PDZD2: variants seen among roughly 807,000 people sequenced by gnomAD.
The protein encoded by PDZD2 is PDZ domain containing 2.
Under a neutral mutation model 220.7 loss-of-function variants are expected in PDZD2, and 90 were observed. That is an observed-to-expected ratio of 0.41 (90% CI 0.34 to 0.49). PDZD2 has a LOEUF of 0.49. PDZD2 is among the 20% of genes least tolerant of loss of function. The probability of loss-of-function intolerance (pLI) is 0.28; values close to 1 mark genes in which losing one functional copy is unlikely to be tolerated. For synonymous variants in PDZD2, 1,375 were observed against 1,450.5 expected (o/e 0.95, Z 1.18); for missense variants, 3,174 against 3,608.5 (o/e 0.88, Z 3.08).
chr5:31,884,231 G>A (rs73064423), intron 2 of PDZD2, among the ~76,000 whole-genome samples: 26,562 of 150,518 alleles, frequency 0.18, 5,545 homozygotes, highest in African/African-American at 0.51. Flanking sequence ...CTGCATGCAT[G>A]CATACATACA....
intron 21 of PDZD2, among the ~76,000 whole-genome samples, chr5:32,093,349 C>T (rs1387947192): frequency 6.6e-6 from 1 of 152,156 alleles, no homozygotes; most frequent in Non-Finnish European, 1.5e-5. Context: ...AGCTAGTCAT[C>T]TCGGAAATAC....
chr5:31,667,855 CTTTTTTTTTTTT>C (rs561833214), intron 1 of PDZD2, among the ~76,000 whole-genome samples: 4 of 77,968 alleles, frequency 5.1e-5, no homozygotes, highest in African/African-American at 2.2e-4. Context: ...TTTTTTTTTC[CTTTTTTTTTTTT>C]TTTTTTTTTT....
intron 1 of PDZD2, among the ~76,000 whole-genome samples, chr5:31,706,807 G>C (rs1164457549): frequency 1.4e-5 from 2 of 145,904 alleles, no homozygotes; most frequent in Non-Finnish European, 3.0e-5. Context: ...TCGTGCCACT[G>C]CACTCCAGCC....
At chr5:31,779,815 T>C (rs1561453806) in intron 1 of PDZD2, among the ~76,000 whole-genome samples, 1 of 152,170 alleles carries the variant, frequency 6.6e-6, no homozygotes, top group Non-Finnish European at 1.5e-5. Flanking sequence ...ATGCCTGTTC[T>C]CATCTCCTTG....
chr5:31,837,989 A>G (rs756706293), intron 2 of PDZD2, among the ~76,000 whole-genome samples: 108 of 152,246 alleles, frequency 7.1e-4, no homozygotes, highest in Non-Finnish European at 1.2e-3. Flanking sequence ...GTATCTGTAA[A>G]GTTTGGAAAC....
intron 1 of PDZD2, among the ~76,000 whole-genome samples, chr5:31,676,800 C>A (rs944147095): frequency 3.3e-5 from 5 of 151,916 alleles, no homozygotes; most frequent in African/African-American, 1.2e-4. Context: ...GTGATCTGCC[C>A]GCCTCGGCCT....
intron 6 of PDZD2, among the ~76,000 whole-genome samples, chr5:32,015,690 CTT>C (rs539238501): frequency 3.8e-4 from 58 of 151,942 alleles, no homozygotes; most frequent in Non-Finnish European, 7.3e-4. Context: ...TAAATAATGT[CTT>C]TGAAAAAGAA....
At chr5:31,865,705 C>T (rs1738160838) in intron 2 of PDZD2, among the ~76,000 whole-genome samples, 1 of 131,354 alleles carries the variant, frequency 7.6e-6, no homozygotes, top group South Asian at 2.5e-4. Flanking sequence ...GCAATCTCGT[C>T]TCACTGCAAG....
At chr5:31,701,935 C>G (rs1014586375) in intron 1 of PDZD2, among the ~76,000 whole-genome samples, 1 of 152,250 alleles carries the variant, frequency 6.6e-6, no homozygotes, top group Non-Finnish European at 1.5e-5. Context: ...TCCCCTCCAC[C>G]TCAGACATCA....
intron 2 of PDZD2, among the ~76,000 whole-genome samples, chr5:31,839,159 C>A (rs1225688800): frequency 1.3e-5 from 2 of 152,154 alleles, no homozygotes; most frequent in African/African-American, 4.8e-5. Context: ...GCTTTCAATT[C>A]TTTTACTCCC....
chr5:32,005,985 A>G (rs1752764579), intron 5 of PDZD2, among the ~76,000 whole-genome samples: 1 of 152,064 alleles, frequency 6.6e-6, no homozygotes, highest in South Asian at 2.1e-4. Flanking sequence ...TGTCTCTACT[A>G]AAAACACAAA....
chr5:32,040,900 T>C (rs1249317246), intron 7 of PDZD2, among the ~76,000 whole-genome samples: 301 of 64,208 alleles, frequency 4.7e-3, no homozygotes, highest in African/African-American at 4.8e-3. Context: ...CTGGCCGCCC[T>C]GTCTGGGATG....
intron 7 of PDZD2, among the ~76,000 whole-genome samples, chr5:32,041,764 G>A (rs1321895591): frequency 6.6e-6 from 1 of 151,828 alleles, no homozygotes; most frequent in Non-Finnish European, 1.5e-5. Flanking sequence ...GTGTTTATCT[G>A]CTGACCTTCT....
chr5:31,942,713 T>G (rs144800030), intron 2 of PDZD2, among the ~76,000 whole-genome samples: 6 of 152,224 alleles, frequency 3.9e-5, no homozygotes, highest in African/African-American at 1.4e-4. Context: ...TCCAAACACA[T>G]TCACATGGTT....
intron 2 of PDZD2, among the ~76,000 whole-genome samples, chr5:31,858,621 A>G (rs1353597664): frequency 6.6e-6 from 1 of 152,214 alleles, no homozygotes; most frequent in Non-Finnish European, 1.5e-5. Context: ...TTGCAGCTTG[A>G]TAACATCACT....
intron 1 of PDZD2, among the ~76,000 whole-genome samples, chr5:31,785,229 C>T (rs913696690): frequency 4.6e-5 from 7 of 151,836 alleles, no homozygotes; most frequent in African/African-American, 1.5e-4. Context: ...AAATAGATGC[C>T]CTTGCAATGT....
Position 31,757,760 on chromosome 5 carries a change from A to G in PDZD2, c.-360-41129A>G, listed in dbSNP as rs572729416. Among the ~76,000 whole-genome samples, 7 of 152,296 alleles carry G rather than the reference A, an allele frequency of 4.6e-5. No homozygotes were observed. In the East Asian group the frequency reaches 1.4e-3, roughly 29 times the overall value. On this transcript the variant is annotated intron_variant, in intron 1 of 24. Transcript: ENST00000438447. ...TCACAGGTGGTTTTGTTATGGGCTC[A>G]GGACAAGTCAAAACACTGGAGACAC...
At chr5:31,982,691 C>T (rs1750394665) in intron 2 of PDZD2, among the ~76,000 whole-genome samples, 1 of 152,190 alleles carries the variant, frequency 6.6e-6, no homozygotes, top group South Asian at 2.1e-4. Flanking sequence ...TGATTATTTG[C>T]TCCTAAGAGC....
rs771912647 is a variant in PDZD2, at chr5:32,089,532, G to A, written c.6084G>A (p.Ala2028=). The A allele has an allele frequency of 4.3e-6, 7 of 1,612,026 alleles. No individual in the cohort carries two copies. The highest frequency in any genetic ancestry group is 2.2e-5 in the South Asian group (2 of 91,086). The change falls in exon 20 of 25, where the codon GCG becomes GCA. Residue 2028 remains alanine (A), a synonymous_variant. Transcript: ENST00000438447. ...CTAAGTGTAGAGCAGAGGGCAGGGC[G>A]CCCCGTGCTGACTCCGGGCCGGTGA... ...KSPKCRAEGR[A]PRADSGPVSP...
Sources: gnomAD v4.1 joint callset for allele counts (sites outside exome capture counted in the v4.1 genomes callset) on GRCh38, gnomAD v4.1.1 for gene constraint, MANE v1.5 for transcripts, NCBI Gene and HGNC (gene_info 2026-07-23, HGNC 2026-07-21) for gene names.